The following PATJ variants were observed in gnomAD, a reference collection of about 807,000 sequenced individuals.
PATJ encodes inaD-like protein.
In PATJ, 190 loss-of-function variants were observed where a neutral mutation model predicts 224.9. The ratio of observed to expected loss-of-function variants is 0.84; its 90% CI spans 0.75 to 0.95. The LOEUF is 0.95. Ranked by LOEUF, PATJ falls within the 40% of genes least tolerant of loss-of-function variation. The pLI is 0.00. For synonymous variants in PATJ, 769 were observed against 820.3 expected (o/e 0.94, Z 1.07); for missense variants, 2,121 against 2,270.3 (o/e 0.93, Z 1.34).
intron 30 of PATJ, among the ~76,000 whole-genome samples, chr1:62,044,454 T>A (rs561367982): frequency 1.4e-4 from 22 of 152,346 alleles, no homozygotes; most frequent in Admixed American, 1.3e-3. Context: ...AATAGCAATG[T>A]TAAAGACATC....
chr1:61,779,916 G>A (rs1405193339), intron 7 of PATJ, among the ~76,000 whole-genome samples: 1 of 151,854 alleles, frequency 6.6e-6, no homozygotes, highest in African/African-American at 2.4e-5. Context: ...TGGGTGGGGG[G>A]CAACTCTCTT....
chr1:61,999,495 C>T (rs1339665343), intron 28 of PATJ, among the ~76,000 whole-genome samples: 1 of 151,998 alleles, frequency 6.6e-6, no homozygotes, highest in Non-Finnish European at 1.5e-5. Context: ...TGGTGAAACC[C>T]CATCTCTACT....
intron 20 of PATJ, among the ~76,000 whole-genome samples, chr1:61,871,636 C>T (rs1206610433): frequency 7.3e-6 from 1 of 137,802 alleles, no homozygotes; most frequent in Non-Finnish European, 1.6e-5. Context: ...GATCTCGGCT[C>T]ACTGCAGCCT....
At chr1:62,005,415 TG>T (rs138223901) in intron 28 of PATJ, among the ~76,000 whole-genome samples, 21,354 of 133,962 alleles carry the variant, frequency 0.16, 1,890 homozygotes, top group Non-Finnish European at 0.21. Flanking sequence ...CAATATGATG[TG>T]GTTTTTTTTT....
chr1:62,012,380 A>C (rs1050798151), intron 28 of PATJ, among the ~76,000 whole-genome samples: 5 of 152,254 alleles, frequency 3.3e-5, no homozygotes, highest in African/African-American at 1.2e-4. Context: ...GATACTGTGC[A>C]TAATGAGTTT....
At chr1:62,096,199 A>G (rs1661379072) in intron 33 of PATJ, among the ~76,000 whole-genome samples, 1 of 152,248 alleles carries the variant, frequency 6.6e-6, no homozygotes, top group African/African-American at 2.4e-5. Context: ...CTGAAACAAG[A>G]AGGCAAAGTA....
At chr1:62,047,443 G>T (rs1570312912) in intron 30 of PATJ, among the ~76,000 whole-genome samples, 1 of 152,080 alleles carries the variant, frequency 6.6e-6, no homozygotes, top group Admixed American at 6.6e-5. Flanking sequence ...ATTTTTAGTA[G>T]AGACAGGGTT....
At position 61,805,524 on chromosome 1, in the gene PATJ, G is replaced by A; in HGVS notation, c.1626G>A (p.Met542Ile). Reference sequence around the variant, plus strand: ...TGTTGGGTCCTGATTATGAAGTAATGGTATGTTAAAATGCTCTAATAAAAA... The same window carrying A: ...TGTTGGGTCCTGATTATGAAGTAATAGTATGTTAAAATGCTCTAATAAAAA... ...ENLLGPDYEVMVATLDTQIAD... is the reference protein window; with the variant it reads ...ENLLGPDYEVIVATLDTQIAD... The change falls in exon 13 of 44, where the codon ATG becomes ATA. Residue 542 changes from methionine (M) to isoleucine (I), a missense_variant and splice_region_variant. Physicochemically the swap from Met to Ile is conservative, Grantham distance 10 (BLOSUM62 1). Transcript: ENST00000642238. 1 of 1,551,876 alleles carries A rather than the reference G, an allele frequency of 6.4e-7. No individual in the cohort carries two copies. The highest frequency in any genetic ancestry group is 8.9e-7 in the Non-Finnish European group (1 of 1,124,116).
At chr1:62,112,526 C>T (rs1440563810) in intron 34 of PATJ, among the ~76,000 whole-genome samples, 1 of 152,032 alleles carries the variant, frequency 6.6e-6, no homozygotes, top group African/African-American at 2.4e-5. Flanking sequence ...AAGAAAAAGC[C>T]TTAGACCATT....
chr1:61,968,003 A>G (rs1682409110), intron 27 of PATJ, among the ~76,000 whole-genome samples: 1 of 152,176 alleles, frequency 6.6e-6, no homozygotes, highest in Non-Finnish European at 1.5e-5. Context: ...CGATGTCATC[A>G]TCTCAGCCCT....
chr1:61,906,468 G>A (rs781470575), intron 24 of PATJ, among the ~76,000 whole-genome samples: 5 of 152,152 alleles, frequency 3.3e-5, no homozygotes, highest in African/African-American at 4.8e-5. Flanking sequence ...TGTGAAAGGG[G>A]CTATTAATGC....
intron 3 of PATJ, among the ~76,000 whole-genome samples, chr1:61,764,728 T>C (rs1264069685): frequency 6.6e-6 from 1 of 152,218 alleles, no homozygotes; most frequent in Non-Finnish European, 1.5e-5. Flanking sequence ...AAGGATTAAA[T>C]TCTACATGTG....
chr1:62,059,287 T>C (rs1384830886), intron 31 of PATJ, among the ~76,000 whole-genome samples: 1 of 152,162 alleles, frequency 6.6e-6, no homozygotes, highest in Non-Finnish European at 1.5e-5. Context: ...ATTATAAAGA[T>C]GAGATTAACC....
intron 22 of PATJ, 96 bp from the exon 23 acceptor site, chr1:61,899,487 C>T: frequency 1.5e-6 from 1 of 658,548 alleles, no homozygotes; most frequent in East Asian, 2.9e-5. Context: ...AATCATTTAA[C>T]TACCTATAGA....
intron 27 of PATJ, among the ~76,000 whole-genome samples, chr1:61,943,492 A>G (rs1459042712): frequency 6.6e-6 from 1 of 152,142 alleles, no homozygotes; most frequent in African/African-American, 2.4e-5. Flanking sequence ...CGCTGCTAGC[A>G]CAGCAGTCTG....
intron 27 of PATJ, among the ~76,000 whole-genome samples, chr1:61,965,096 T>C (rs1681899790): frequency 9.2e-6 from 1 of 109,040 alleles, no homozygotes; most frequent in Non-Finnish European, 1.7e-5. Flanking sequence ...TATTCTAGCC[T>C]GGGCCACTGA....
chr1:61,815,200 G>A (rs1655857183), intron 14 of PATJ, among the ~76,000 whole-genome samples: 1 of 152,226 alleles, frequency 6.6e-6, no homozygotes, highest in Admixed American at 6.5e-5. Context: ...GAAGCAGCAA[G>A]TACAGTGGCT....
intron 21 of PATJ, among the ~76,000 whole-genome samples, chr1:61,879,293 TG>T (rs1667766737): frequency 6.6e-6 from 1 of 152,120 alleles, no homozygotes; most frequent in African/African-American, 2.4e-5. Context: ...TCTCGGGAAA[TG>T]GGGTAATGGC....
intron 27 of PATJ, among the ~76,000 whole-genome samples, chr1:61,951,244 A>G (rs1679624537): frequency 6.6e-6 from 1 of 152,104 alleles, no homozygotes; most frequent in Non-Finnish European, 1.5e-5. Flanking sequence ...AATTGGAGAA[A>G]ACTGATGAAC....
Sources: gnomAD v4.1 joint callset for allele counts (sites outside exome capture counted in the v4.1 genomes callset) on GRCh38, gnomAD v4.1.1 for gene constraint, MANE v1.5 for transcripts, NCBI Gene and HGNC (gene_info 2026-07-23, HGNC 2026-07-21) for gene names.